Variants in DPP6 observed in about 807,000 individuals in gnomAD.
DPP6 encodes the protein dipeptidyl peptidase like 6.
In DPP6, 69 loss-of-function variants were observed where a neutral mutation model predicts 122.6. The ratio of observed to expected loss-of-function variants is 0.56; its 90% CI spans 0.46 to 0.69. DPP6 has a LOEUF of 0.69. Among genes scored for constraint, DPP6 ranks in the 30% least tolerant of loss-of-function variants. DPP6 has a pLI of 0.00. For synonymous variants in DPP6, 418 were observed against 433.1 expected (o/e 0.97, Z 0.43); for missense variants, 928 against 1,116.9 (o/e 0.83, Z 2.41).
the DPP6 span, among the ~76,000 whole-genome samples, chr7:153,787,115 C>G: frequency 7.1e-6 from 1 of 141,024 alleles, no homozygotes; most frequent in Non-Finnish European, 1.6e-5. Context: ...CCACGCCCGG[C>G]TAATTTTTGT....
intron 2 of DPP6, among the ~76,000 whole-genome samples, chr7:154,450,562 C>T (rs1023224361): frequency 6.6e-5 from 10 of 152,066 alleles, no homozygotes; most frequent in Non-Finnish European, 1.0e-4. Context: ...GCTTCAGGAG[C>T]AGTTCCGGGA....
chr7:153,950,017 T>C (rs1340238284), intron 1 of DPP6, among the ~76,000 whole-genome samples: 1 of 152,166 alleles, frequency 6.6e-6, no homozygotes, highest in African/African-American at 2.4e-5. Flanking sequence ...TGAGTCGATT[T>C]GGTATAAGAA....
chr7:154,185,952 T>G (rs1261539526), intron 1 of DPP6, among the ~76,000 whole-genome samples: 1 of 152,162 alleles, frequency 6.6e-6, no homozygotes, highest in African/African-American at 2.4e-5. Flanking sequence ...CAAGAAGATA[T>G]TAAAAACATT....
At chr7:154,210,685 G>A (rs1222499061) in intron 1 of DPP6, among the ~76,000 whole-genome samples, 1 of 152,112 alleles carries the variant, frequency 6.6e-6, no homozygotes, top group Non-Finnish European at 1.5e-5. Context: ...GAGGGTATAG[G>A]CAAAGACATG....
intron 1 of DPP6, among the ~76,000 whole-genome samples, chr7:153,897,044 CTTATAG>C (rs911940766): frequency 9.9e-5 from 15 of 152,172 alleles, no homozygotes; most frequent in East Asian, 9.7e-4. Context: ...ATATTGATAA[CTTATAG>C]TTGTAGAGAA....
intron 1 of DPP6, among the ~76,000 whole-genome samples, chr7:154,406,880 A>T (rs546250002): frequency 4.6e-5 from 7 of 152,278 alleles, no homozygotes; most frequent in Non-Finnish European, 7.4e-5. Flanking sequence ...TCTTTGGATC[A>T]TGACCACACA....
chr7:153,866,987 C>A, the DPP6 span, among the ~76,000 whole-genome samples: 1 of 152,150 alleles, frequency 6.6e-6, no homozygotes, highest in Non-Finnish European at 1.5e-5. Context: ...TCTGAGGGCT[C>A]TGTTCTGTTC....
chr7:154,534,048 T>A (rs1828051305), intron 3 of DPP6, among the ~76,000 whole-genome samples: 2 of 151,788 alleles, frequency 1.3e-5, no homozygotes, highest in Non-Finnish European at 2.9e-5. Flanking sequence ...TCATGACCAA[T>A]GGGTTTATCT....
chr7:154,031,001 G>A (rs1052826286), intron 1 of DPP6, among the ~76,000 whole-genome samples: 1 of 151,860 alleles, frequency 6.6e-6, no homozygotes, highest in Non-Finnish European at 1.5e-5. Flanking sequence ...TCTAAACGTT[G>A]GTTACTAGCT....
At chr7:154,583,218 A>G (rs1395906028) in intron 5 of DPP6, among the ~76,000 whole-genome samples, 1 of 152,240 alleles carries the variant, frequency 6.6e-6, no homozygotes, top group Non-Finnish European at 1.5e-5. Flanking sequence ...AGACGTGTGT[A>G]TCTCAGAGTT....
intron 1 of DPP6, among the ~76,000 whole-genome samples, chr7:154,082,403 A>C (rs1489398941): frequency 1.3e-5 from 2 of 152,184 alleles, no homozygotes; most frequent in Non-Finnish European, 2.9e-5. Flanking sequence ...CAAACACTGA[A>C]CTTATGGAGA....
the DPP6 span, among the ~76,000 whole-genome samples, chr7:153,804,151 G>A: frequency 1.3e-5 from 2 of 151,666 alleles, no homozygotes; most frequent in East Asian, 3.9e-4. Flanking sequence ...CCTATTTCAA[G>A]CAATTCTCCT....
intron 1 of DPP6, among the ~76,000 whole-genome samples, chr7:154,180,341 C>CAGATAGAT (rs1008364926): frequency 2.0e-5 from 3 of 147,744 alleles, no homozygotes; most frequent in African/African-American, 7.6e-5. Flanking sequence ...ACCCGGGAGA[C>CAGATAGAT]AGATAGATAG....
intron 3 of DPP6, among the ~76,000 whole-genome samples, chr7:154,535,094 A>AT (rs1054739626): frequency 6.6e-6 from 1 of 152,218 alleles, no homozygotes; most frequent in African/African-American, 2.4e-5. Flanking sequence ...TGACAAAAAA[A>AT]AATGCTGAAG....
At chr7:154,209,544 A>G (rs1303605782) in intron 1 of DPP6, among the ~76,000 whole-genome samples, 1 of 32,562 alleles carries the variant, frequency 3.1e-5, no homozygotes, top group Non-Finnish European at 6.4e-5. Flanking sequence ...AGTTGAAGTT[A>G]AAAAAAAAAA....
At chr7:153,885,158 C>G (rs1377084092), upstream of DPP6, among the ~76,000 whole-genome samples, 2 of 151,590 alleles carry the variant, frequency 1.3e-5, no homozygotes, top group African/African-American at 2.4e-5. Flanking sequence ...AATGCCGCTT[C>G]AAAGGAAGAA....
At chr7:153,974,190 C>T (rs759515139) in intron 1 of DPP6, among the ~76,000 whole-genome samples, 4 of 152,156 alleles carry the variant, frequency 2.6e-5, no homozygotes, top group Non-Finnish European at 4.4e-5. Context: ...TGCAGGATGG[C>T]ATCCTTGATG....
chr7:154,109,316 AG>A (rs1806397144), intron 1 of DPP6, among the ~76,000 whole-genome samples: 1 of 151,378 alleles, frequency 6.6e-6, no homozygotes, highest in Non-Finnish European at 1.5e-5. Flanking sequence ...TTTTTGAGAC[AG>A]TCTTGCTCTG....
rs367603428 is a variant in DPP6 at position 154,768,101 on chromosome 7, C to A, written c.884-1316C>A. 3.3e-5 allele frequency among the ~76,000 whole-genome samples: 5 copies of A among 152,358 alleles called. No individual in the cohort carries two copies. The East Asian group carries it at 9.7e-4, about 29-fold the overall frequency. On this transcript the variant is annotated intron_variant, in intron 8 of 25. Coordinates refer to ENST00000377770, the MANE Select transcript of DPP6 (RefSeq NM_130797.4). ...GCTCCCACCCCAGGAGGATCATGGG[C>A]AGCGTGCCTGCTGCAGGCCTCTGGG...
Sources: allele counts gnomAD v4.1 joint callset (sites outside exome capture counted in the v4.1 genomes callset), GRCh38; gene constraint gnomAD v4.1.1; transcripts MANE v1.5; gene names NCBI Gene and HGNC (gene_info 2026-07-23, HGNC 2026-07-21).